Variants in NOVA1 observed in about 807,000 individuals in gnomAD.
NOVA1 encodes the protein RNA-binding protein Nova-1.
NOVA1 carries 7 observed loss-of-function variants against 38.0 expected under a neutral mutation model. The ratio of observed to expected loss-of-function variants is 0.18; its 90% CI spans 0.10 to 0.35. The LOEUF (loss-of-function observed/expected upper bound fraction) is 0.35. Among genes scored for constraint, NOVA1 ranks in the 10% least tolerant of loss-of-function variants. NOVA1 has a pLI of 1.00. For synonymous variants in NOVA1, 270 were observed against 232.5 expected, an observed-to-expected ratio of 1.16 and a Z score of -1.47; for missense variants, 460 against 616.0, an observed-to-expected ratio of 0.75 and a Z score of 2.68.
intron 2 of NOVA1, among the ~76,000 whole-genome samples, chr14:26,526,044 T>C (rs1451783541): frequency 6.6e-6 from 1 of 152,098 alleles, no homozygotes; most frequent in African/African-American, 2.4e-5. Context: ...TACTTTCTTT[T>C]TCTACTGTTG....
At chr14:26,478,577 G>C (rs1441988979) in intron 3 of NOVA1, among the ~76,000 whole-genome samples, 1 of 151,792 alleles carries the variant, frequency 6.6e-6, no homozygotes, top group Non-Finnish European at 1.5e-5. Context: ...TTTAAACTCT[G>C]ATTAAAGTCA....
intron 4 of NOVA1, among the ~76,000 whole-genome samples, chr14:26,457,988 C>G (rs1338745816): frequency 8.6e-5 from 13 of 151,762 alleles, no homozygotes; most frequent in African/African-American, 3.1e-4. Context: ...AGAAAAAAAG[C>G]AACAAACAAC....
chr14:26,561,769 A>G (rs920213544), intron 2 of NOVA1, among the ~76,000 whole-genome samples: 1 of 152,208 alleles, frequency 6.6e-6, no homozygotes, highest in Non-Finnish European at 1.5e-5. Flanking sequence ...ATAATGTTTA[A>G]TACTTCTAAA....
At chr14:26,464,826 T>C (rs1277131728) in intron 4 of NOVA1, among the ~76,000 whole-genome samples, 2 of 152,170 alleles carry the variant, frequency 1.3e-5, no homozygotes, top group South Asian at 4.1e-4. Flanking sequence ...AGTAAGTCTA[T>C]CCATTAAGGG....
chr14:26,509,742 A>G (rs1216454780), intron 2 of NOVA1, among the ~76,000 whole-genome samples: 1 of 152,120 alleles, frequency 6.6e-6, no homozygotes, highest in Admixed American at 6.5e-5. Context: ...GTGCAATGGC[A>G]TGATCTGGGC....
At chr14:26,593,164 C>T (rs1893965866) in intron 2 of NOVA1, 1 of 151,676 alleles carries the variant, frequency 6.6e-6, no homozygotes, top group Admixed American at 6.6e-5. Context: ...CTAAGAAATT[C>T]TTTATAACTT....
intron 2 of NOVA1, among the ~76,000 whole-genome samples, chr14:26,548,821 A>AT (rs397762001): frequency 6.6e-6 from 1 of 151,350 alleles, no homozygotes; most frequent in East Asian, 1.9e-4. Flanking sequence ...AAAAAAAAAA[A>AT]TTGAGCAGAG....
chr14:26,498,381 T>C (rs1479621015), intron 2 of NOVA1, among the ~76,000 whole-genome samples: 1 of 152,060 alleles, frequency 6.6e-6, no homozygotes, highest in Non-Finnish European at 1.5e-5. Flanking sequence ...TATGGGATAT[T>C]TCTAAGTAAA....
intron 2 of NOVA1, among the ~76,000 whole-genome samples, chr14:26,529,128 C>T (rs999043294): frequency 1.4e-5 from 2 of 146,006 alleles, no homozygotes; most frequent in African/African-American, 5.0e-5. Flanking sequence ...AGTGGTTATG[C>T]TTTTTTTTTT....
intron 2 of NOVA1, among the ~76,000 whole-genome samples, chr14:26,572,460 G>C (rs1594558249): frequency 1.3e-5 from 2 of 152,218 alleles, no homozygotes; most frequent in South Asian, 4.1e-4. Context: ...CATATACGCA[G>C]TACATACAGA....
intron 2 of NOVA1, among the ~76,000 whole-genome samples, chr14:26,555,052 A>C (rs1891396037): frequency 6.6e-6 from 1 of 152,152 alleles, no homozygotes; most frequent in African/African-American, 2.4e-5. Context: ...TGTAGATCAA[A>C]AAGGCTCTAC....
At chr14:26,569,722 A>G (rs1892356539) in intron 2 of NOVA1, among the ~76,000 whole-genome samples, 1 of 152,216 alleles carries the variant, frequency 6.6e-6, no homozygotes, top group South Asian at 2.1e-4. Context: ...ACAAATAATC[A>G]CACCCAATTT....
At chr14:26,581,786 T>C (rs914706766) in intron 2 of NOVA1, among the ~76,000 whole-genome samples, 3 of 151,916 alleles carry the variant, frequency 2.0e-5, no homozygotes, top group Non-Finnish European at 4.4e-5. Flanking sequence ...CTCAAATTTA[T>C]ACACAATTTG....
intron 2 of NOVA1, among the ~76,000 whole-genome samples, chr14:26,533,579 C>G (rs1889869418): frequency 6.6e-6 from 1 of 152,158 alleles, no homozygotes; most frequent in Admixed American, 6.5e-5. Context: ...GTAAATGTCT[C>G]AATTGTTCAT....
intron 2 of NOVA1, among the ~76,000 whole-genome samples, chr14:26,520,859 C>G (rs766363529): frequency 1.3e-5 from 2 of 152,020 alleles, no homozygotes; most frequent in Non-Finnish European, 2.9e-5. Flanking sequence ...AATTTCTTAT[C>G]TGAAAAACTG....
intron 2 of NOVA1, among the ~76,000 whole-genome samples, chr14:26,484,163 G>C (rs370031415): frequency 6.6e-6 from 1 of 151,816 alleles, no homozygotes; most frequent in African/African-American, 2.4e-5. Context: ...GGCCGGGTGC[G>C]GTGGCTCACA....
At chr14:26,592,510 T>C (rs1331514949) in intron 2 of NOVA1, among the ~76,000 whole-genome samples, 1 of 151,512 alleles carries the variant, frequency 6.6e-6, no homozygotes, top group African/African-American at 2.4e-5. Context: ...AATGATCTAC[T>C]TGTAGATCAT....
chr14:26,450,840 T>C (rs1324767404), intron 4 of NOVA1, among the ~76,000 whole-genome samples: 1 of 152,164 alleles, frequency 6.6e-6, no homozygotes, highest in Non-Finnish European at 1.5e-5. Context: ...ATGTTAAATA[T>C]GATTGTATTT....
intron 2 of NOVA1, among the ~76,000 whole-genome samples, chr14:26,531,407 A>G (rs1229606485): frequency 1.3e-5 from 2 of 152,168 alleles, no homozygotes; most frequent in African/African-American, 4.8e-5. Context: ...CGGGAGTTTG[A>G]GATCAGCCTG....
Sources: allele counts gnomAD v4.1 joint callset (sites outside exome capture counted in the v4.1 genomes callset), GRCh38; gene constraint gnomAD v4.1.1; transcripts MANE v1.5; gene names NCBI Gene and HGNC (gene_info 2026-07-23, HGNC 2026-07-21).